Variants in KIRREL3 observed in about 807,000 individuals in gnomAD.
The protein encoded by KIRREL3 is kirre like nephrin family adhesion molecule 3, also known as kin of IRRE-like protein 3.
Under a neutral mutation model 89.7 loss-of-function variants are expected in KIRREL3, and 36 were observed. The ratio of observed to expected loss-of-function variants is 0.40; its 90% confidence interval spans 0.31 to 0.53. The LOEUF is 0.53. Ranked by LOEUF, KIRREL3 falls within the 20% of genes least tolerant of loss-of-function variation. The pLI, the probability that KIRREL3 is intolerant of heterozygous loss-of-function variation, is 0.49. For missense variants in KIRREL3, 864 were observed against 1,056.6 expected (o/e 0.82, Z 2.53); for synonymous variants, 445 against 441.4 (o/e 1.01, Z -0.10).
At chr11:126,727,973 G>C (rs939947495) in intron 1 of KIRREL3, among the ~76,000 whole-genome samples, 1 of 152,048 alleles carries the variant, frequency 6.6e-6, no homozygotes, top group African/African-American at 2.4e-5. Context: ...TGTCTCGGGG[G>C]TGAGCATTTC....
chr11:126,983,033 T>A lies in KIRREL3; in HGVS notation c.55+17422A>T, dbSNP rs1265026990. On this transcript the variant is annotated intron_variant, in intron 1 of 16. Coordinates refer to ENST00000525144, the MANE Select transcript of KIRREL3 (RefSeq NM_032531.4). The surrounding 1 kb of genome is among the most constrained non-coding windows in gnomAD (Gnocchi z 4.9). Reference sequence around the variant, plus strand: ...ATAGTTGCATCTAGTAGTAACTCCATTGATTATGTAAGCGTAATTTGTGCC... The same window carrying A: ...ATAGTTGCATCTAGTAGTAACTCCAATGATTATGTAAGCGTAATTTGTGCC... 3.3e-5 allele frequency among the ~76,000 whole-genome samples: 5 copies of A among 152,234 alleles called. No homozygotes were observed. Among genetic ancestry groups the A allele is most frequent in the Non-Finnish European group, 7.3e-5 (5 of 68,042 alleles).
chr11:126,511,675 C>T (rs756663243), intron 4 of KIRREL3, among the ~76,000 whole-genome samples: 1 of 152,210 alleles, frequency 6.6e-6, no homozygotes, highest in South Asian at 2.1e-4. Flanking sequence ...CGCGAGTCTG[C>T]CTTGGGTTGT....
intron 1 of KIRREL3, among the ~76,000 whole-genome samples, chr11:126,882,271 G>T (rs1945533673): frequency 6.6e-6 from 1 of 152,150 alleles, no homozygotes; most frequent in Non-Finnish European, 1.5e-5. Flanking sequence ...ATTAATGATT[G>T]CAGATATTCT....
rs1483200504 is a variant in KIRREL3, at chr11:126,612,495, C to T, written c.56-49583G>A. Among the ~76,000 whole-genome samples, 1 of 152,122 alleles carries T rather than the reference C, an allele frequency of 6.6e-6. No individual in the cohort carries two copies. Among genetic ancestry groups the T allele is most frequent in the African/African-American group, 2.4e-5 (1 of 41,422 alleles). ...TTTAGGGGTTAGTCTTTTTTAAGTA[C>T]ATTCGTTAAAAAAGAGATGTTGTTC... is the stretch of plus-strand genomic sequence containing the variant. On this transcript the variant is annotated intron_variant, in intron 1 of 16. Transcript: ENST00000525144. This position sits in a 1 kb window ranked among gnomAD's most constrained non-coding sequence, Gnocchi z 4.5.
At chr11:126,450,880 TG>T (rs1565462935) in intron 7 of KIRREL3, among the ~76,000 whole-genome samples, 40 of 147,316 alleles carry the variant, frequency 2.7e-4, no homozygotes, top group African/African-American at 1.0e-3. Flanking sequence ...CATGTGTGCA[TG>T]TGTGCATGTG....
At chr11:126,899,388 T>C (rs189982381) in intron 1 of KIRREL3, among the ~76,000 whole-genome samples, 1 of 152,152 alleles carries the variant, frequency 6.6e-6, no homozygotes, top group East Asian at 1.9e-4. Context: ...ACACAAAATC[T>C]CTGATAATAG....
At chr11:126,920,942 C>A (rs1282203270) in intron 1 of KIRREL3, among the ~76,000 whole-genome samples, 1 of 152,188 alleles carries the variant, frequency 6.6e-6, no homozygotes, top group East Asian at 1.9e-4. Context: ...CTGAATTATG[C>A]GATACCCAGA....
Position 126,609,493 on chromosome 11 carries a change from G to C in KIRREL3, c.56-46581C>G, listed in dbSNP as rs187252294. 9.8e-5 allele frequency among the ~76,000 whole-genome samples: 15 copies of C among 152,316 alleles called. No homozygotes were observed. In the East Asian group the frequency reaches 2.3e-3, roughly 24 times the overall value. On this transcript the variant is annotated intron_variant, in intron 1 of 16. Coordinates refer to ENST00000525144, the MANE Select transcript of KIRREL3 (RefSeq NM_032531.4). The surrounding 1 kb of genome is among the most constrained non-coding windows in gnomAD (Gnocchi z 5.0). ...CCTGAAGTGAATGTGAGGCCGAGAG[G>C]CTTCGTGAAAGGTTAAGTGGGTGGG...
chr11:126,851,842 T>C (rs879260797), intron 1 of KIRREL3, among the ~76,000 whole-genome samples: 3 of 152,114 alleles, frequency 2.0e-5, no homozygotes, highest in African/African-American at 7.2e-5. Flanking sequence ...CATCAAAGTC[T>C]ACATGGGCAG....
chr11:126,540,933 C>T (rs56278685), intron 2 of KIRREL3, among the ~76,000 whole-genome samples: 3 of 152,188 alleles, frequency 2.0e-5, no homozygotes, highest in Admixed American at 6.5e-5. Flanking sequence ...AATGTGCCCT[C>T]ACTGAGCCGG....
At chr11:126,665,735 C>G (rs1203291421) in intron 1 of KIRREL3, among the ~76,000 whole-genome samples, 2 of 152,146 alleles carry the variant, frequency 1.3e-5, no homozygotes, top group Non-Finnish European at 2.9e-5. Context: ...TTACTGCAGC[C>G]CAAATGGACT....
chr11:126,892,945 A>G lies in KIRREL3; in HGVS notation c.55+107510T>C, dbSNP rs1192653432. Among the ~76,000 whole-genome samples, 5 of 152,190 alleles carry G rather than the reference A, an allele frequency of 3.3e-5. No individual in the cohort carries two copies. The highest frequency in any genetic ancestry group is 3.9e-4 in the East Asian group (2 of 5,190). On this transcript the variant is annotated intron_variant, in intron 1 of 16. Transcript: ENST00000525144. The surrounding 1 kb of genome is among the most constrained non-coding windows in gnomAD (Gnocchi z 5.4). ...GAATCGGGCTAGGATAGGGCTGAGT[A>G]TTCTAATTGCCTGTGGGATAGGATT...
At position 126,739,870 on chromosome 11, in the gene KIRREL3, G is replaced by A. The variant is rs1007375391; in HGVS notation, c.56-176958C>T. ...AGCTGAGGGGATTGGGCAAGAAGGA[G>A]CACTTAGAATTTTGACACTGCACTT... On this transcript the variant is annotated intron_variant, in intron 1 of 16. Transcript: ENST00000525144. The surrounding 1 kb of genome is among the most constrained non-coding windows in gnomAD (Gnocchi z 5.5). Among the ~76,000 whole-genome samples the A allele has an allele frequency of 2.0e-5, 3 of 152,192 alleles. No individual in the cohort carries two copies. Among genetic ancestry groups the A allele is most frequent in the Non-Finnish European group, 2.9e-5 (2 of 68,038 alleles).
chr11:126,830,622 C>A lies in KIRREL3; in HGVS notation c.55+169833G>T, dbSNP rs1943573877. Among the ~76,000 whole-genome samples, 1 of 152,134 alleles carries A rather than the reference C, an allele frequency of 6.6e-6. No individual in the cohort carries two copies. The highest frequency in any genetic ancestry group is 2.4e-5 in the African/African-American group (1 of 41,430). ...TTTTAGAGCGGCTGTTAAGAGCCAG[C>A]TAAGCAGGGATTGGACAGGCAGGCA... On this transcript the variant is annotated intron_variant, in intron 1 of 16. Transcript: ENST00000525144. This position sits in a 1 kb window ranked among gnomAD's most constrained non-coding sequence, Gnocchi z 4.9.
chr11:126,872,366 C>T lies in KIRREL3; in HGVS notation c.55+128089G>A, dbSNP rs1945135444. On this transcript the variant is annotated intron_variant, in intron 1 of 16. Coordinates refer to ENST00000525144, the MANE Select transcript of KIRREL3 (RefSeq NM_032531.4). The surrounding 1 kb of genome is among the most constrained non-coding windows in gnomAD (Gnocchi z 4.2). ...GGTATAAACACAGTTGTCAGCAGCC[C>T]ATATGCTGCTATTCTGGGCATGGGC... Among the ~76,000 whole-genome samples, 1 of 152,220 alleles carries T rather than the reference C, an allele frequency of 6.6e-6. No individual in the cohort carries two copies. Among genetic ancestry groups the T allele is most frequent in the African/African-American group, 2.4e-5 (1 of 41,456 alleles).
At chr11:126,529,817 C>T (rs1171635308) in intron 2 of KIRREL3, among the ~76,000 whole-genome samples, 2 of 150,606 alleles carry the variant, frequency 1.3e-5, no homozygotes, top group Non-Finnish European at 2.9e-5. Flanking sequence ...TTGCACATTA[C>T]ATTTGAGTCA....
intron 2 of KIRREL3, among the ~76,000 whole-genome samples, chr11:126,545,183 T>C (rs1197074955): frequency 6.6e-6 from 1 of 152,162 alleles, no homozygotes; most frequent in East Asian, 1.9e-4. Context: ...AACAATCTCT[T>C]CATCTCGGGA....
chr11:126,582,343 G>A (rs1191191593), intron 1 of KIRREL3, among the ~76,000 whole-genome samples: 1 of 152,206 alleles, frequency 6.6e-6, no homozygotes, highest in Non-Finnish European at 1.5e-5. Context: ...ACACAGAGGT[G>A]CCTTCACCAG....
At chr11:126,494,553 A>G (rs1957605951) in intron 4 of KIRREL3, among the ~76,000 whole-genome samples, 1 of 152,224 alleles carries the variant, frequency 6.6e-6, no homozygotes, top group African/African-American at 2.4e-5. Context: ...TGGATTTTTA[A>G]AAATATTGCT....
Sources: gnomAD v4.1 joint callset for allele counts (sites outside exome capture counted in the v4.1 genomes callset) on GRCh38, gnomAD v4.1.1 for gene constraint, Gnocchi (gnomAD v3.1) non-coding constraint, MANE v1.5 for transcripts, NCBI Gene and HGNC (gene_info 2026-07-23, HGNC 2026-07-21) for gene names.